Variants in VSNL1 observed in about 807,000 individuals in gnomAD.
The protein encoded by VSNL1 is visinin like 1.
In VSNL1, 6 loss-of-function variants were observed where a neutral mutation model predicts 20.4. The ratio of observed to expected loss-of-function variants is 0.29; its 90% CI spans 0.16 to 0.58. VSNL1 has a LOEUF of 0.58. VSNL1 is among the 20% of genes least tolerant of loss of function. The pLI is 0.90. For missense variants in VSNL1, 100 were observed against 234.5 expected (o/e 0.43, Z 3.75); for synonymous variants, 93 against 86.4 (o/e 1.08, Z -0.42).
At chr2:17,608,087 C>T (rs557254456) in intron 2 of VSNL1, among the ~76,000 whole-genome samples, 68 of 152,216 alleles carry the variant, frequency 4.5e-4, no homozygotes, top group African/African-American at 1.6e-3. Context: ...TTGACATGCC[C>T]AGTATGAAAA....
intron 2 of VSNL1, among the ~76,000 whole-genome samples, chr2:17,602,856 A>G (rs1253274487): frequency 6.6e-6 from 1 of 152,226 alleles, no homozygotes; most frequent in African/African-American, 2.4e-5. Flanking sequence ...TCCACCTTCA[A>G]CAAACAACTA....
intron 2 of VSNL1, among the ~76,000 whole-genome samples, chr2:17,627,952 A>AT (rs1665548456): frequency 6.6e-6 from 1 of 152,264 alleles, no homozygotes; most frequent in Non-Finnish European, 1.5e-5. Flanking sequence ...AGGAATGAAC[A>AT]AGGACAGTAT....
chr2:17,642,546 G>A (rs970766626), intron 2 of VSNL1, among the ~76,000 whole-genome samples: 5 of 152,030 alleles, frequency 3.3e-5, no homozygotes, highest in African/African-American at 1.2e-4. Context: ...TTGACCTTGT[G>A]ATCTGCCCGC....
At chr2:17,592,640 CTTTTTTTTTTTTTTTTTTTTTTTTTT>C (rs55756596) in intron 2 of VSNL1, among the ~76,000 whole-genome samples, 8 of 70,886 alleles carry the variant, frequency 1.1e-4, no homozygotes, top group East Asian at 1.1e-3. Context: ...CTCTCTCTCT[CTTTTTTTTTTTTTTTTTTTTTTTTTT>C]TTTTTTTTTT....
At chr2:17,608,349 T>C (rs1042748758) in intron 2 of VSNL1, among the ~76,000 whole-genome samples, 1 of 152,248 alleles carries the variant, frequency 6.6e-6, no homozygotes, top group Non-Finnish European at 1.5e-5. Context: ...GCACGATAAA[T>C]GATGACATCG....
At chr2:17,565,631 C>G (rs959705093) in intron 1 of VSNL1, among the ~76,000 whole-genome samples, 14 of 152,212 alleles carry the variant, frequency 9.2e-5, no homozygotes, top group Non-Finnish European at 1.8e-4. Flanking sequence ...CCTAATACAA[C>G]AACAGAGAAA....
chr2:17,625,483 G>C (rs1287428460), intron 2 of VSNL1, among the ~76,000 whole-genome samples: 4 of 152,122 alleles, frequency 2.6e-5, no homozygotes, highest in Admixed American at 2.6e-4. Flanking sequence ...TAGTTGCTTT[G>C]ACAGCATCTT....
chr2:17,566,938 GCT>G (rs1297530270), intron 1 of VSNL1, among the ~76,000 whole-genome samples: 4 of 152,064 alleles, frequency 2.6e-5, no homozygotes, highest in African/African-American at 9.7e-5. Flanking sequence ...CAAATGTTTA[GCT>G]CTCTGTTCTA....
chr2:17,626,243 A>C (rs1029080662), intron 2 of VSNL1, among the ~76,000 whole-genome samples: 15 of 152,114 alleles, frequency 9.9e-5, no homozygotes, highest in Non-Finnish European at 1.9e-4. Flanking sequence ...CAGCACCCCT[A>C]AGTATTGGCA....
At chr2:17,611,368 G>A (rs1377329551) in intron 2 of VSNL1, among the ~76,000 whole-genome samples, 1 of 152,214 alleles carries the variant, frequency 6.6e-6, no homozygotes. Flanking sequence ...AACCATTTGA[G>A]CCTCAGTTAC....
Position 17,655,653 on chromosome 2 carries a change from A to G in VSNL1, c.*259A>G. On this transcript the variant is annotated 3_prime_UTR_variant, in exon 4 of 4. Coordinates refer to ENST00000295156, the MANE Select transcript of VSNL1 (RefSeq NM_003385.5). This position sits in a 1 kb window ranked among gnomAD's most constrained non-coding sequence, Gnocchi z 5.2. Reference sequence around the variant, plus strand: ...GTGATATGTGTAATATCATTTCATAAAAATCCCTCTTCCTCCAAAGCCTGG... The same window carrying G: ...GTGATATGTGTAATATCATTTCATAGAAATCCCTCTTCCTCCAAAGCCTGG... The G allele has an allele frequency of 2.7e-6, 1 of 366,234 alleles. No individual in the cohort carries two copies. Among genetic ancestry groups the G allele is most frequent in the Non-Finnish European group, 5.0e-6 (1 of 198,724 alleles). 22.7% of individuals were successfully genotyped at this position (366,234 alleles called of 1,614,324 possible).
intron 1 of VSNL1, among the ~76,000 whole-genome samples, chr2:17,547,271 G>A (rs907157937): frequency 6.0e-4 from 91 of 152,108 alleles, no homozygotes; most frequent in African/African-American, 1.6e-3. Context: ...GAAAATAGAA[G>A]ATTATATATG....
chr2:17,579,560 G>C (rs541765162), intron 1 of VSNL1, among the ~76,000 whole-genome samples: 1 of 152,170 alleles, frequency 6.6e-6, no homozygotes, highest in Non-Finnish European at 1.5e-5. Context: ...TGGCAAATTC[G>C]TTGAGGCAGA....
intron 1 of VSNL1, among the ~76,000 whole-genome samples, chr2:17,588,160 G>A (rs891462215): frequency 2.8e-4 from 43 of 152,128 alleles, no homozygotes; most frequent in Middle Eastern, 3.2e-3. Flanking sequence ...AATACACTCC[G>A]GTTTCTGTCC....
At chr2:17,640,725 T>A (rs1665865610) in intron 2 of VSNL1, among the ~76,000 whole-genome samples, 1 of 152,236 alleles carries the variant, frequency 6.6e-6, no homozygotes, top group African/African-American at 2.4e-5. Context: ...ATAACAATTG[T>A]ACGTATTTGT....
At chr2:17,648,414 C>CCACTTAGCAGGTGCA (rs942540371) in intron 2 of VSNL1, among the ~76,000 whole-genome samples, 24 of 152,154 alleles carry the variant, frequency 1.6e-4, no homozygotes, top group Non-Finnish European at 2.6e-4. Context: ...CTCACCTGGT[C>CCACTTAGCAGGTGCA]CACTTAGCAG....
chr2:17,541,810 A>G (rs1663290753), intron 1 of VSNL1: 1 of 152,198 alleles, frequency 6.6e-6, no homozygotes, highest in Non-Finnish European at 1.5e-5. Flanking sequence ...TGGAAATCAG[A>G]ATGATGAATA....
intron 2 of VSNL1, among the ~76,000 whole-genome samples, chr2:17,608,256 T>G (rs1397689269): frequency 6.6e-6 from 1 of 152,254 alleles, no homozygotes; most frequent in Non-Finnish European, 1.5e-5. Context: ...TGTGTCTGCT[T>G]TCTAAGTAAA....
chr2:17,592,345 C>A, intron 2 of VSNL1, 109 bp downstream of exon 2: 3 of 1,207,692 alleles, frequency 2.5e-6, no homozygotes, highest in Non-Finnish European at 3.5e-6. Flanking sequence ...TTTGTTTCAA[C>A]TCTGGCTGTT....
Sources: gnomAD v4.1 joint callset for allele counts (sites outside exome capture counted in the v4.1 genomes callset) on GRCh38, gnomAD v4.1.1 for gene constraint, Gnocchi (gnomAD v3.1) non-coding constraint, MANE v1.5 for transcripts, NCBI Gene and HGNC (gene_info 2026-07-23, HGNC 2026-07-21) for gene names.